ISM1: variants seen among roughly 807,000 people sequenced by gnomAD.
The protein encoded by ISM1 is isthmin-1.
In ISM1, 25 loss-of-function variants were observed where a neutral mutation model predicts 46.3. The ratio of observed to expected loss-of-function variants is 0.54; its 90% CI spans 0.39 to 0.75. The LOEUF (loss-of-function observed/expected upper bound fraction) is 0.75, where lower values mean the gene tolerates loss of function less well. Ranked by LOEUF, ISM1 falls within the 30% of genes least tolerant of loss-of-function variation. ISM1 has a pLI of 0.00. For synonymous variants in ISM1, 255 were observed against 256.7 expected, an observed-to-expected ratio of 0.99 and a Z score of 0.06; for missense variants, 536 against 625.4, an observed-to-expected ratio of 0.86 and a Z score of 1.52.
At chr20:13,239,403 G>A (rs945889717) in intron 1 of ISM1, 3 of 152,186 alleles carry the variant, frequency 2.0e-5, no homozygotes, top group African/African-American at 7.2e-5. Flanking sequence ...TAAGTTTTCA[G>A]GGATCCATCT....
downstream of ISM1, among the ~76,000 whole-genome samples, chr20:13,303,771 A>C (rs1221082011): frequency 1.3e-5 from 2 of 152,242 alleles, no homozygotes; most frequent in Non-Finnish European, 2.9e-5. Context: ...GTACAAATCA[A>C]AGTCCCTCCT....
chr20:13,290,724 TGAA>T (rs1431159510), intron 4 of ISM1, among the ~76,000 whole-genome samples: 1 of 152,114 alleles, frequency 6.6e-6, no homozygotes, highest in African/African-American at 2.4e-5. Flanking sequence ...TAGATGATGA[TGAA>T]GAAGATTTTT....
At chr20:13,251,019 GA>G (rs2039862865) in intron 1 of ISM1, among the ~76,000 whole-genome samples, 1 of 152,090 alleles carries the variant, frequency 6.6e-6, no homozygotes, top group African/African-American at 2.4e-5. Context: ...TATAACTTAT[GA>G]CCATTGATTG....
rs146511695 is a variant in ISM1, at chr20:13,293,585, A to G, written c.877+1122A>G. On this transcript the variant is annotated intron_variant, in intron 5 of 5. Transcript: ENST00000262487. ...CTCAAATGCCTATTGGGGTCAGGTAATGGGGTCAGGTAAGCATCTCAGTAG... is the reference window on the plus strand; with the variant it reads ...CTCAAATGCCTATTGGGGTCAGGTAGTGGGGTCAGGTAAGCATCTCAGTAG... Among the ~76,000 whole-genome samples the G allele has an allele frequency of 2.9e-3, 443 of 152,118 alleles. 1 individual carries two copies. The highest frequency in any genetic ancestry group is 7.0e-3 in the African/African-American group (292 of 41,506).
chr20:13,287,386 A>G (rs2040305879), intron 3 of ISM1, among the ~76,000 whole-genome samples: 3 of 152,286 alleles, frequency 2.0e-5, no homozygotes, highest in Admixed American at 2.0e-4. Context: ...CCCATGATTC[A>G]GTTATCTCCA....
chr20:13,287,853 A>G (rs1156693864), intron 3 of ISM1, among the ~76,000 whole-genome samples: 5 of 152,208 alleles, frequency 3.3e-5, no homozygotes, highest in Non-Finnish European at 7.3e-5. Context: ...TAAAACAACA[A>G]CCGTTTATTA....
intron 1 of ISM1, among the ~76,000 whole-genome samples, chr20:13,253,940 AG>A (rs2039897054): frequency 6.6e-6 from 1 of 151,702 alleles, no homozygotes; most frequent in African/African-American, 2.4e-5. Flanking sequence ...TTTATGGGCC[AG>A]GCACAGTGGC....
intron 1 of ISM1, among the ~76,000 whole-genome samples, chr20:13,244,767 A>C (rs560370407): frequency 6.6e-6 from 1 of 152,340 alleles, no homozygotes; most frequent in East Asian, 1.9e-4. Flanking sequence ...CCTATGCACA[A>C]GTCAAAAGTG....
chr20:13,270,792 T>C (rs117418218), intron 2 of ISM1, 49 bp downstream of exon 2: 387 of 1,571,620 alleles, frequency 2.5e-4, no homozygotes, highest in Non-Finnish European at 3.3e-4. Context: ...AGTCCATCTT[T>C]TGTTTTCTGA....
At chr20:13,314,624 A>G in the ISM1 span, among the ~76,000 whole-genome samples, 2 of 152,150 alleles carry the variant, frequency 1.3e-5, no homozygotes, top group Non-Finnish European at 2.9e-5. Context: ...AAGAAATGCT[A>G]AAAGAAATTC....
chr20:13,273,344 C>T (rs1033395981), intron 2 of ISM1, among the ~76,000 whole-genome samples: 1 of 151,796 alleles, frequency 6.6e-6, no homozygotes, highest in Non-Finnish European at 1.5e-5. Context: ...AAGTGATCCT[C>T]CTACCTCAGC....
chr20:13,284,119 T>C (rs1333143651), intron 3 of ISM1, among the ~76,000 whole-genome samples: 1 of 152,206 alleles, frequency 6.6e-6, no homozygotes, highest in Non-Finnish European at 1.5e-5. Context: ...ACAGGGTTGT[T>C]GTAGGAGTTA....
At chr20:13,287,251 G>GA (rs1409003742) in intron 3 of ISM1, among the ~76,000 whole-genome samples, 203 of 152,316 alleles carry the variant, frequency 1.3e-3, no homozygotes, top group African/African-American at 4.7e-3. Context: ...GGCAAAGGAA[G>GA]AGCAAAGGGA....
intron 1 of ISM1, among the ~76,000 whole-genome samples, chr20:13,254,124 T>C (rs1250673402): frequency 2.6e-5 from 4 of 151,086 alleles, no homozygotes. Context: ...TCCCAGCTAC[T>C]TGGGAGACTG....
chr20:13,304,784 G>C (rs1010504983), downstream of ISM1, among the ~76,000 whole-genome samples: 3 of 152,104 alleles, frequency 2.0e-5, no homozygotes, highest in African/African-American at 4.8e-5. Flanking sequence ...ACCAGTCCAC[G>C]AGCTCCCAGT....
At chr20:13,308,787 G>A in the ISM1 span, among the ~76,000 whole-genome samples, 6 of 152,142 alleles carry the variant, frequency 3.9e-5, no homozygotes, top group Non-Finnish European at 7.4e-5. Flanking sequence ...TATGATATTC[G>A]GAGGTGCAGC....
intron 1 of ISM1, among the ~76,000 whole-genome samples, chr20:13,264,985 C>G (rs1465272131): frequency 6.6e-6 from 1 of 152,172 alleles, no homozygotes; most frequent in African/African-American, 2.4e-5. Context: ...GTGGACAAGT[C>G]ACAGCGCAGT....
Position 13,261,762 on chromosome 20 carries a change from T to G in ISM1, c.139-8742T>G, listed in dbSNP as rs146253492. 5.9e-3 allele frequency among the ~76,000 whole-genome samples: 903 copies of G among 152,318 alleles called. 6 individuals carry two copies. Among genetic ancestry groups the G allele is most frequent in the African/African-American group, 0.02 (847 of 41,560 alleles). On this transcript the variant is annotated intron_variant, in intron 1 of 5. Coordinates refer to ENST00000262487, the MANE Select transcript of ISM1 (RefSeq NM_080826.2). Reference sequence around the variant, plus strand: ...TCAATGAGGGTTCTTAACTTTAGTGTTGAGAAGAATCCATCTCCTTAATTA... The same window carrying G: ...TCAATGAGGGTTCTTAACTTTAGTGGTGAGAAGAATCCATCTCCTTAATTA...
chr20:13,231,225 G>A (rs2039584255), intron 1 of ISM1, among the ~76,000 whole-genome samples: 1 of 152,186 alleles, frequency 6.6e-6, no homozygotes, highest in Non-Finnish European at 1.5e-5. Flanking sequence ...GAGTTTCCAT[G>A]AGGCCCCTGC....
Sources: gnomAD v4.1 joint callset for allele counts (sites outside exome capture counted in the v4.1 genomes callset) on GRCh38, gnomAD v4.1.1 for gene constraint, MANE v1.5 for transcripts, NCBI Gene and HGNC (gene_info 2026-07-23, HGNC 2026-07-21) for gene names.